The following BST1 variants were observed in gnomAD, a reference collection of about 807,000 sequenced individuals.
The protein encoded by BST1 is bone marrow stromal cell antigen 1.
BST1 carries 49 observed loss-of-function variants against 40.6 expected under a neutral mutation model. The observed-to-expected ratio is 1.21, with a 90% CI of 0.96 to 1.53. The LOEUF is 1.53. BST1 is among the 40% of genes most tolerant of loss of function. The pLI is 0.00. For missense variants in BST1, 423 were observed against 395.9 expected (o/e 1.07, Z -0.58); for synonymous variants, 157 against 159.3 (o/e 0.99, Z 0.11).
At chr4:15,769,658 TTC>T in the BST1 span, among the ~76,000 whole-genome samples, 1 of 151,632 alleles carries the variant, frequency 6.6e-6, no homozygotes, top group Non-Finnish European at 1.5e-5. Flanking sequence ...AGAACAGAAT[TTC>T]TCTCTCTCTA....
At chr4:15,735,005 G>A (rs944531123), downstream of BST1, among the ~76,000 whole-genome samples, 5 of 152,074 alleles carry the variant, frequency 3.3e-5, no homozygotes, top group African/African-American at 7.3e-5. Context: ...TGTAAAAGCG[G>A]TATTAGCTTC....
At chr4:15,717,362 T>C (rs545613861) in intron 6 of BST1, among the ~76,000 whole-genome samples, 1 of 152,192 alleles carries the variant, frequency 6.6e-6, no homozygotes, top group Non-Finnish European at 1.5e-5. Context: ...CTGTTTACCA[T>C]CCCATTTCAT....
intron 1 of BST1, among the ~76,000 whole-genome samples, chr4:15,704,464 G>A (rs1314287934): frequency 6.8e-6 from 1 of 147,368 alleles, no homozygotes; most frequent in Non-Finnish European, 1.5e-5. Context: ...ATGTGTGTGT[G>A]TTTGTTCTAG....
At chr4:15,768,833 G>A in the BST1 span, among the ~76,000 whole-genome samples, 1 of 152,138 alleles carries the variant, frequency 6.6e-6, no homozygotes, top group Non-Finnish European at 1.5e-5. Flanking sequence ...ATACAGTTTG[G>A]CTTGGGGAAA....
intron 8 of BST1, chr4:15,723,536 C>G: frequency 2.0e-6 from 2 of 985,456 alleles, no homozygotes; most frequent in Non-Finnish European, 2.4e-6. Context: ...GCGTAAGCCA[C>G]CACGCCTGGC....
At chr4:15,751,180 T>C in the BST1 span, among the ~76,000 whole-genome samples, 1 of 152,286 alleles carries the variant, frequency 6.6e-6, no homozygotes, top group Non-Finnish European at 1.5e-5. Context: ...GAGAAGATTT[T>C]AAAGAGGAGG....
intron 8 of BST1, among the ~76,000 whole-genome samples, chr4:15,730,499 G>A (rs1317485914): frequency 2.6e-5 from 4 of 152,162 alleles, no homozygotes; most frequent in Non-Finnish European, 5.9e-5. Flanking sequence ...CATCCACAAG[G>A]AAGAATGAGT....
chr4:15,713,142 G>C (rs538687773), intron 4 of BST1, among the ~76,000 whole-genome samples: 18 of 150,926 alleles, frequency 1.2e-4, no homozygotes, highest in African/African-American at 4.1e-4. Context: ...ATGGGAAGCA[G>C]ATTTGAACTT....
chr4:15,744,835 G>C, the BST1 span, among the ~76,000 whole-genome samples: 1 of 152,192 alleles, frequency 6.6e-6, no homozygotes, highest in African/African-American at 2.4e-5. Context: ...CAAGGATAAT[G>C]AATGTTCAAA....
At chr4:15,718,244 A>AGT (rs35788103) in intron 6 of BST1, among the ~76,000 whole-genome samples, 73,092 of 148,866 alleles carry the variant, frequency 0.49, 18,445 homozygotes, top group East Asian at 0.64. Context: ...ATGGCAGAGA[A>AGT]GTGTGTGTGT....
At chr4:15,759,963 A>C in the BST1 span, among the ~76,000 whole-genome samples, 78 of 151,928 alleles carry the variant, frequency 5.1e-4, 3 homozygotes, top group African/African-American at 1.8e-3. Context: ...ACAAACATAA[A>C]ATTTATCCTG....
the BST1 span, among the ~76,000 whole-genome samples, chr4:15,764,897 T>TGTGTGTGTGTGTGTGTG: frequency 1.7e-4 from 22 of 132,950 alleles, no homozygotes; most frequent in East Asian, 2.6e-4. Flanking sequence ...TGTGTGTGTG[T>TGTGTGTGTGTGTGTGTG]TTTGCAAAGT....
chr4:15,766,510 C>A, the BST1 span, among the ~76,000 whole-genome samples: 72 of 151,976 alleles, frequency 4.7e-4, no homozygotes, highest in Middle Eastern at 6.8e-3. Flanking sequence ...TTTGAGGCAT[C>A]TTGCCAAGTT....
chr4:15,765,078 T>C, the BST1 span, among the ~76,000 whole-genome samples: 2 of 151,936 alleles, frequency 1.3e-5, no homozygotes, highest in Non-Finnish European at 2.9e-5. Flanking sequence ...CATGGGGTTC[T>C]TATGGGGATT....
intron 3 of BST1, 115 bp downstream of exon 3, chr4:15,707,761 T>G: frequency 1.6e-6 from 2 of 1,288,824 alleles, no homozygotes; most frequent in Non-Finnish European, 2.1e-6. Context: ...CCAAGTCCTC[T>G]GAGATAAGTG....
chr4:15,756,900 G>T, the BST1 span, among the ~76,000 whole-genome samples: 16 of 152,196 alleles, frequency 1.1e-4, no homozygotes, highest in Non-Finnish European at 1.8e-4. Flanking sequence ...CATATTTCAA[G>T]CTGGTTATTC....
the BST1 span, among the ~76,000 whole-genome samples, chr4:15,765,159 A>G: frequency 6.6e-6 from 1 of 151,946 alleles, no homozygotes; most frequent in Non-Finnish European, 1.5e-5. Context: ...CATAACTGGC[A>G]TCTTAAACTT....
At chr4:15,733,230 A>G (rs1177512692), downstream of BST1, among the ~76,000 whole-genome samples, 1 of 152,038 alleles carries the variant, frequency 6.6e-6, no homozygotes, top group Non-Finnish European at 1.5e-5. Context: ...GTGCTGATTG[A>G]TGCATTTACA....
chr4:15,765,844 C>T, the BST1 span, among the ~76,000 whole-genome samples: 3 of 151,950 alleles, frequency 2.0e-5, no homozygotes, highest in South Asian at 6.2e-4. Flanking sequence ...GTTTCTTAGC[C>T]CTCATCATCA....
Sources: gnomAD v4.1 joint callset for allele counts (sites outside exome capture counted in the v4.1 genomes callset) on GRCh38, gnomAD v4.1.1 for gene constraint, MANE v1.5 for transcripts, NCBI Gene and HGNC (gene_info 2026-07-23, HGNC 2026-07-21) for gene names.